Variants in SAMMSON observed in about 807,000 individuals in gnomAD.
SAMMSON encodes the protein survival associated mitochondrial melanoma specific oncogenic non-coding RNA, also known as long intergenic non-protein coding RNA 1212.
chr3:70,199,760 C>G (rs1182616092), intron 4 of SAMMSON, among the ~76,000 whole-genome samples: 1 of 152,152 alleles, frequency 6.6e-6, no homozygotes, highest in African/African-American at 2.4e-5. Flanking sequence ...TTTGCCTGCA[C>G]TATTTCCTGG....
chr3:70,379,748 A>G (rs805482), intron 9 of SAMMSON, among the ~76,000 whole-genome samples: 84,040 of 151,880 alleles, frequency 0.55, 23,521 homozygotes, highest in East Asian at 0.61. Flanking sequence ...GAGTCTGGGC[A>G]ACTAATTTCC....
intron 6 of SAMMSON, among the ~76,000 whole-genome samples, chr3:70,280,297 C>T (rs187183043): frequency 2.0e-5 from 3 of 152,234 alleles, no homozygotes; most frequent in East Asian, 3.9e-4. Context: ...AATCTCTCCA[C>T]GTCAGGATCC....
At chr3:70,187,790 A>T (rs535175683) in intron 4 of SAMMSON, among the ~76,000 whole-genome samples, 1 of 152,166 alleles carries the variant, frequency 6.6e-6, no homozygotes, top group Admixed American at 6.5e-5. Context: ...AGACCACACA[A>T]TTCCCAGCCT....
At chr3:70,037,540 A>G (rs146937718) in intron 3 of SAMMSON, among the ~76,000 whole-genome samples, 43 of 152,318 alleles carry the variant, frequency 2.8e-4, no homozygotes, top group Admixed American at 5.9e-4. Flanking sequence ...GGAGAAATAC[A>G]CACAGACAAA....
At chr3:70,064,952 T>C (rs2067203850) in intron 3 of SAMMSON, among the ~76,000 whole-genome samples, 1 of 152,214 alleles carries the variant, frequency 6.6e-6, no homozygotes, top group East Asian at 1.9e-4. Context: ...TGACATAATC[T>C]TCTCATTATT....
intron 3 of SAMMSON, among the ~76,000 whole-genome samples, chr3:70,033,838 A>T (rs143025124): frequency 2.7e-3 from 413 of 152,198 alleles, no homozygotes; most frequent in African/African-American, 9.4e-3. Flanking sequence ...AGCTTGGGAG[A>T]TTGGATGAAT....
chr3:70,114,615 A>G (rs2067402629), intron 4 of SAMMSON, among the ~76,000 whole-genome samples: 1 of 152,236 alleles, frequency 6.6e-6, no homozygotes, highest in African/African-American at 2.4e-5. Context: ...GCCTCTGTTT[A>G]GTCCATTCTC....
At chr3:70,128,220 C>T (rs2067467332) in intron 4 of SAMMSON, among the ~76,000 whole-genome samples, 1 of 152,156 alleles carries the variant, frequency 6.6e-6, no homozygotes, top group South Asian at 2.1e-4. Context: ...CTAAGACTGT[C>T]TACACAAGAA....
intron 2 of SAMMSON, among the ~76,000 whole-genome samples, chr3:70,424,538 T>C (rs909038087): frequency 3.3e-5 from 5 of 152,186 alleles, no homozygotes; most frequent in Non-Finnish European, 5.9e-5. Context: ...GTGGTTTCCA[T>C]TGAATGACTT....
intron 4 of SAMMSON, among the ~76,000 whole-genome samples, chr3:70,202,253 G>T (rs1259711880): frequency 1.3e-5 from 2 of 152,112 alleles, no homozygotes; most frequent in Non-Finnish European, 2.9e-5. Flanking sequence ...TGGCCTATTT[G>T]ATAGTGGTCA....
At chr3:70,046,165 C>T (rs1375530673) in intron 3 of SAMMSON, among the ~76,000 whole-genome samples, 1 of 152,102 alleles carries the variant, frequency 6.6e-6, no homozygotes, top group Non-Finnish European at 1.5e-5. Context: ...TCTTCTTTGG[C>T]ACAACTCCAT....
intron 3 of SAMMSON, among the ~76,000 whole-genome samples, chr3:70,037,799 G>T (rs943947666): frequency 5.3e-5 from 8 of 152,138 alleles, no homozygotes. Flanking sequence ...GCTTCATGTA[G>T]ACACTCTCAA....
intron 3 of SAMMSON, among the ~76,000 whole-genome samples, chr3:70,057,666 G>T (rs1559782481): frequency 6.6e-6 from 1 of 151,948 alleles, no homozygotes; most frequent in Non-Finnish European, 1.5e-5. Context: ...GAGTGTGTGT[G>T]TGTGTGTGTG....
At chr3:70,267,718 A>C (rs1701933390) in intron 6 of SAMMSON, among the ~76,000 whole-genome samples, 1 of 151,898 alleles carries the variant, frequency 6.6e-6, no homozygotes, top group South Asian at 2.1e-4. Flanking sequence ...GCCCAGCCTA[A>C]AATAGCATTT....
At chr3:70,398,091 A>G (rs1701106935) in intron 2 of SAMMSON, among the ~76,000 whole-genome samples, 2 of 152,200 alleles carry the variant, frequency 1.3e-5, no homozygotes, top group Admixed American at 6.5e-5. Context: ...AAGCAAATCT[A>G]TAGTATGCAG....
intron 7 of SAMMSON, among the ~76,000 whole-genome samples, chr3:70,307,213 ATTG>A (rs1342084375): frequency 2.0e-5 from 3 of 152,006 alleles, no homozygotes; most frequent in African/African-American, 7.2e-5. Flanking sequence ...TGGTGTTGTT[ATTG>A]TTGTTGTTGT....
chr3:70,045,066 A>G (rs1360419833), intron 3 of SAMMSON, among the ~76,000 whole-genome samples: 1 of 96,736 alleles, frequency 1.0e-5, no homozygotes, highest in Non-Finnish European at 1.9e-5. Flanking sequence ...ATTATAATAT[A>G]TATTATAATT....
chr3:70,168,202 C>T (rs1345701391), intron 4 of SAMMSON, among the ~76,000 whole-genome samples: 1 of 152,086 alleles, frequency 6.6e-6, no homozygotes. Flanking sequence ...TCAATCATCA[C>T]GCAGGCTAGT....
chr3:70,242,371 T>C (rs908274266), intron 4 of SAMMSON, among the ~76,000 whole-genome samples: 7 of 152,160 alleles, frequency 4.6e-5, no homozygotes, highest in Non-Finnish European at 8.8e-5. Context: ...TTTTTAAACT[T>C]TTTTCCCATT....
Sources: gnomAD v4.1 joint callset for allele counts (sites outside exome capture counted in the v4.1 genomes callset) on GRCh38, gnomAD v4.1.1 for gene constraint, MANE v1.5 for transcripts, NCBI Gene and HGNC (gene_info 2026-07-23, HGNC 2026-07-21) for gene names.